The following RDH10 variants were observed in gnomAD, a reference collection of about 807,000 sequenced individuals.
RDH10 encodes retinol dehydrogenase 10, also known as retinol dehydrogenase 10 (all-trans).
RDH10 carries 12 observed loss-of-function variants against 30.2 expected under a neutral mutation model. That is an observed-to-expected ratio of 0.40 (90% CI 0.25 to 0.64). RDH10 has a LOEUF of 0.64. Ranked by LOEUF, RDH10 falls within the 30% of genes least tolerant of loss-of-function variation. The pLI, the probability that RDH10 is intolerant of heterozygous loss-of-function variation, is 0.43. For missense variants in RDH10, 268 were observed against 445.2 expected (o/e 0.60, Z 3.58); for synonymous variants, 189 against 172.2 (o/e 1.10, Z -0.76).
At chr8:73,298,364 T>C (rs1242006587) in intron 2 of RDH10, among the ~76,000 whole-genome samples, 2 of 152,192 alleles carry the variant, frequency 1.3e-5, no homozygotes, top group Non-Finnish European at 2.9e-5. Context: ...TTCTCCTAAA[T>C]AGGTCACATT....
In RDH10 at chr8:73,319,162, T is replaced by G. The variant is rs1285293062; in HGVS notation, c.592T>G (p.Ser198Ala). 1 of 1,613,644 alleles carries G rather than the reference T, an allele frequency of 6.2e-7. No individual in the cohort carries two copies. The highest frequency in any genetic ancestry group is 2.2e-5 in the East Asian group (1 of 44,874). ...TGGTCATATTGTGACAGTTGCAAGT[T>G]CCTTGGGATTGTTCAGTACTGCCGG... ...NHGHIVTVAS[S>A]LGLFSTAGVE... Residue 198 changes from serine to alanine, a missense_variant, in exon 3 of 6, where the codon TCC (serine) becomes GCC (alanine). Physicochemically the swap from Ser to Ala is moderately conservative, Grantham distance 99. Transcript: ENST00000240285.
At chr8:73,301,199 CG>C (rs1464848225) in intron 2 of RDH10, among the ~76,000 whole-genome samples, 2 of 149,380 alleles carry the variant, frequency 1.3e-5, no homozygotes, top group Non-Finnish European at 3.0e-5. Context: ...TACAGGCGCC[CG>C]CTACCACGCC....
Position 73,311,193 on chromosome 8 carries a change from T to G in RDH10, c.526-7903T>G, listed in dbSNP as rs566970360. On this transcript the variant is annotated intron_variant, in intron 2 of 5. Transcript: ENST00000240285. Reference sequence around the variant, plus strand: ...ATGAAAAAACTTTGGACATCTCCTCTTGTCTCACAAATGAGTTTAGTCAAG... The same window carrying G: ...ATGAAAAAACTTTGGACATCTCCTCGTGTCTCACAAATGAGTTTAGTCAAG... The G allele has an allele frequency of 6.6e-5, 10 of 152,324 alleles. No individual in the cohort carries two copies. The East Asian group carries it at 1.4e-3, about 21-fold the overall frequency. The allele number at this position is 152,324 out of a possible 1,614,324, so 9.4% of individuals were successfully genotyped here.
chr8:73,319,028 A>G, intron 2 of RDH10, 68 bp from the exon 3 acceptor site: 1 of 1,013,302 alleles, frequency 9.9e-7, no homozygotes. Flanking sequence ...TTGTTTTGTG[A>G]TCCTGGACTG....
In RDH10 at chr8:73,324,657, A is replaced by C. The variant is rs1462453051; in HGVS notation, c.*1621A>C. 5 of 152,186 alleles carry C rather than the reference A, an allele frequency of 3.3e-5. No individual in the cohort carries two copies. Among genetic ancestry groups the C allele is most frequent in the African/African-American group, 4.8e-5 (2 of 41,444 alleles). The allele number at this position is 152,186 out of a possible 1,614,324, so 9.4% of individuals were successfully genotyped here. A position where few individuals can be genotyped will look rare whatever the true frequency, so the allele number is the denominator to read the frequency against. ...ATTATCCCACTTTAGGTAAAGAAAAATATTGGAATGGAATAGTGTTGGGAA... is the reference window on the plus strand; with the variant it reads ...ATTATCCCACTTTAGGTAAAGAAAACTATTGGAATGGAATAGTGTTGGGAA... On this transcript the variant is annotated 3_prime_UTR_variant, in exon 6 of 6. Transcript: ENST00000240285.
chr8:73,319,967 T>TA (rs1814736773), intron 3 of RDH10, among the ~76,000 whole-genome samples: 1 of 152,218 alleles, frequency 6.6e-6, no homozygotes, highest in Admixed American at 6.5e-5. Flanking sequence ...TCCATGCAAA[T>TA]ATGCAAAAGG....
At position 73,323,076 on chromosome 8, in the gene RDH10, A is replaced by G; in HGVS notation, c.*40A>G. The G allele has an allele frequency of 6.5e-7, 1 of 1,539,228 alleles. No homozygotes were observed. Among genetic ancestry groups the G allele is most frequent in the Non-Finnish European group, 9.0e-7 (1 of 1,113,194 alleles). ...GGAATATTACTTCTATCAGAAGATG[A>G]TCAAGATGTTTCAGTCCAGTGCACA... On this transcript the variant is annotated 3_prime_UTR_variant, in exon 6 of 6. Transcript: ENST00000240285.
intron 4 of RDH10, chr8:73,322,141 C>T (rs1166532525): frequency 1.6e-5 from 6 of 386,822 alleles, no homozygotes; most frequent in Admixed American, 1.2e-4. Flanking sequence ...ATCATTTCAA[C>T]ATGTAACCCA....
intron 1 of RDH10, chr8:73,295,888 G>T (rs1404375847): frequency 5.1e-5 from 61 of 1,185,098 alleles, no homozygotes; most frequent in Non-Finnish European, 6.2e-5. Context: ...CACAGGTTTG[G>T]ATCCCAAAGA....
Position 73,297,376 on chromosome 8 carries a change from C to G in RDH10, c.472C>G (p.Pro158Ala). Residue 158 changes from proline (P) to alanine (A), a missense_variant, in exon 2 of 6, where the codon CCT becomes GCT. Pro to Ala is a conservative substitution (Grantham distance 27). Transcript: ENST00000240285. ...CTCTGGGCATCACCTTCTGGAATGTCCTGATGAGCTCATTGAGAGAACCAT... is the reference window on the plus strand; with the variant it reads ...CTCTGGGCATCACCTTCTGGAATGTGCTGATGAGCTCATTGAGAGAACCAT... The part of the protein sequence containing the change: ...VVSGHHLLEC[P>A]DELIERTMMV... 1 of 1,614,056 alleles carries G rather than the reference C, an allele frequency of 6.2e-7. No individual in the cohort carries two copies. Among genetic ancestry groups the G allele is most frequent in the Non-Finnish European group, 8.5e-7 (1 of 1,179,908 alleles).
At chr8:73,298,665 C>G (rs1563546525) in intron 2 of RDH10, among the ~76,000 whole-genome samples, 1 of 152,000 alleles carries the variant, frequency 6.6e-6, no homozygotes, top group African/African-American at 2.4e-5. Context: ...GTAGCTGGGA[C>G]TACAGGCACA....
At chr8:73,296,365 G>T (rs146787704) in intron 1 of RDH10, among the ~76,000 whole-genome samples, 1 of 151,808 alleles carries the variant, frequency 6.6e-6, no homozygotes, top group South Asian at 2.1e-4. Flanking sequence ...TTACCTGTAC[G>T]GAGAAAATTG....
At chr8:73,296,916 C>T (rs149185706) in intron 1 of RDH10, 198 of 402,756 alleles carry the variant, frequency 4.9e-4, no homozygotes, top group African/African-American at 3.5e-3. Context: ...CTCCAGCAAG[C>T]TGATCCCATG....
At chr8:73,315,264 C>G (rs1012809161) in intron 2 of RDH10, among the ~76,000 whole-genome samples, 4 of 147,060 alleles carry the variant, frequency 2.7e-5, no homozygotes, top group South Asian at 2.2e-4. Context: ...CCGGCCTCCT[C>G]TCTCTCTCCC....
chr8:73,296,845 AGT>A (rs763115835), intron 1 of RDH10, among the ~76,000 whole-genome samples: 7 of 151,982 alleles, frequency 4.6e-5, no homozygotes, highest in Non-Finnish European at 8.8e-5. Flanking sequence ...AGGAGTGTGT[AGT>A]GTGTGTGTGT....
intron 2 of RDH10, among the ~76,000 whole-genome samples, chr8:73,309,889 C>T (rs929816256): frequency 1.4e-4 from 22 of 152,122 alleles, no homozygotes; most frequent in African/African-American, 4.8e-4. Flanking sequence ...AACATCCTTC[C>T]ATGCATAGGG....
chr8:73,301,387 A>G (rs1305355104), intron 2 of RDH10, among the ~76,000 whole-genome samples: 2 of 151,972 alleles, frequency 1.3e-5, no homozygotes, highest in African/African-American at 2.4e-5. Flanking sequence ...AATATTTGAT[A>G]ATAATAGGCT....
chr8:73,308,517 A>T (rs990479275), intron 2 of RDH10, among the ~76,000 whole-genome samples: 2 of 152,226 alleles, frequency 1.3e-5, no homozygotes, highest in Non-Finnish European at 2.9e-5. Context: ...GTAAGTGCCA[A>T]GGCTGACGGA....
chr8:73,320,058 C>T (rs1352425635), intron 3 of RDH10, among the ~76,000 whole-genome samples: 3 of 152,192 alleles, frequency 2.0e-5, no homozygotes, highest in Admixed American at 6.5e-5. Flanking sequence ...TTTCTATATT[C>T]TGTGCCTTTA....
Sources: allele counts gnomAD v4.1 joint callset (sites outside exome capture counted in the v4.1 genomes callset), GRCh38; gene constraint gnomAD v4.1.1; transcripts MANE v1.5; gene names NCBI Gene and HGNC (gene_info 2026-07-23, HGNC 2026-07-21).